PARD3: variants seen among roughly 807,000 people sequenced by gnomAD.
The protein encoded by PARD3 is par-3 family cell polarity regulator.
PARD3 carries 75 observed loss-of-function variants against 155.4 expected under a neutral mutation model. The observed-to-expected ratio is 0.48, with a 90% CI of 0.40 to 0.58. The LOEUF (loss-of-function observed/expected upper bound fraction) is 0.58, where lower values mean the gene tolerates loss of function less well. Ranked by LOEUF, PARD3 falls within the 20% of genes least tolerant of loss-of-function variation. The pLI, the probability that PARD3 is intolerant of heterozygous loss-of-function variation, is 0.00. For missense variants in PARD3, 1,642 were observed against 1,721.7 expected, an observed-to-expected ratio of 0.95 and a Z score of 0.82; for synonymous variants, 576 against 610.5, an observed-to-expected ratio of 0.94 and a Z score of 0.83.
chr10:34,755,053 G>A (rs910643647), intron 1 of PARD3, among the ~76,000 whole-genome samples: 1 of 152,202 alleles, frequency 6.6e-6, no homozygotes, highest in African/African-American at 2.4e-5. Flanking sequence ...GGCAGAGTGA[G>A]CCAAAAATCG....
intron 2 of PARD3, among the ~76,000 whole-genome samples, chr10:34,650,972 T>C (rs1461023114): frequency 6.2e-5 from 8 of 128,764 alleles, no homozygotes; most frequent in East Asian, 4.8e-4. Context: ...GATTGTGCCA[T>C]TGCACTCCAG....
intron 4 of PARD3, among the ~76,000 whole-genome samples, chr10:34,454,936 T>C (rs1297072091): frequency 1.3e-5 from 2 of 152,130 alleles, no homozygotes; most frequent in African/African-American, 4.8e-5. Flanking sequence ...ACCTTAGCCC[T>C]CCCCAAGCTT....
In PARD3 at chr10:34,603,395, A is replaced by C. The variant is rs1483233371; in HGVS notation, c.223-86236T>G. On this transcript the variant is annotated intron_variant, in intron 2 of 24. Transcript: ENST00000374788. ...CCCCAGGGGTTAATGTTCTTTGCCC[A>C]ATGACATTATTAACTTGCCTAAATT... is the stretch of plus-strand genomic sequence containing the variant. 2.0e-5 allele frequency among the ~76,000 whole-genome samples: 3 copies of C among 152,216 alleles called. No individual in the cohort carries two copies. The East Asian group carries it at 5.8e-4, about 29-fold the overall frequency.
At chr10:34,713,530 CG>C (rs1427224830) in intron 1 of PARD3, among the ~76,000 whole-genome samples, 1 of 152,016 alleles carries the variant, frequency 6.6e-6, no homozygotes, top group African/African-American at 2.4e-5. Flanking sequence ...GAGGCCAAGG[CG>C]GGAGGGTTGC....
rs534423691 is a variant in PARD3, at chr10:34,785,658, G to T, written c.120+29218C>A. On this transcript the variant is annotated intron_variant, in intron 1 of 24. Transcript: ENST00000374788. The stretch of plus-strand genomic sequence containing the variant: ...AGGCTGAGGTGGGAGGATTGCCTGA[G>T]CCCAGGATTTCAAAGCTGCAGTGAG... 2.6e-5 allele frequency among the ~76,000 whole-genome samples: 4 copies of T among 152,144 alleles called. No individual in the cohort carries two copies. In the East Asian group the frequency reaches 7.7e-4, roughly 29 times the overall value.
intron 4 of PARD3, among the ~76,000 whole-genome samples, chr10:34,451,371 A>T (rs1488583305): frequency 3.9e-5 from 6 of 152,172 alleles, no homozygotes; most frequent in African/African-American, 1.2e-4. Context: ...AAGTTAGAAG[A>T]AGTACTGGCA....
chr10:34,681,902 T>C (rs2093849967), intron 2 of PARD3, among the ~76,000 whole-genome samples: 1 of 148,524 alleles, frequency 6.7e-6, no homozygotes, highest in African/African-American at 2.5e-5. Flanking sequence ...ATTATAGGCA[T>C]GAGCTACCAG....
chr10:34,337,475 G>C (rs373699922), intron 16 of PARD3, 49 bp from the exon 17 acceptor site: 4 of 1,319,992 alleles, frequency 3.0e-6, no homozygotes, highest in Non-Finnish European at 3.0e-6. Flanking sequence ...AAAATAGCAC[G>C]CATCCATTTT....
At chr10:34,263,989 A>C (rs1385747750) in intron 22 of PARD3, among the ~76,000 whole-genome samples, 1 of 152,226 alleles carries the variant, frequency 6.6e-6, no homozygotes, top group African/African-American at 2.4e-5. Context: ...TCTTGATCAA[A>C]AGACAATGAT....
In PARD3 at chr10:34,567,921, C is replaced by T. The variant is rs77832565; in HGVS notation, c.223-50762G>A. Among the ~76,000 whole-genome samples, 1,168 of 152,286 alleles carry T rather than the reference C, an allele frequency of 7.7e-3. 16 individuals carry two copies. The highest frequency in any genetic ancestry group is 0.027 in the African/African-American group (1,126 of 41,552). Reference sequence around the variant, plus strand: ...GCTAGCAAGCATGATTAGTTCACTACGAGGAACGTGTCCTTGTATCCTATA... The same window carrying T: ...GCTAGCAAGCATGATTAGTTCACTATGAGGAACGTGTCCTTGTATCCTATA... On this transcript the variant is annotated intron_variant, in intron 2 of 24. Transcript: ENST00000374788.
At chr10:34,225,271 C>G (rs1295114658) in intron 22 of PARD3, among the ~76,000 whole-genome samples, 1 of 151,890 alleles carries the variant, frequency 6.6e-6, no homozygotes, top group African/African-American at 2.4e-5. Flanking sequence ...GAAAGTACCA[C>G]AGAGAGCTTA....
chr10:34,211,486 A>G (rs940797360), intron 22 of PARD3, among the ~76,000 whole-genome samples: 16 of 152,224 alleles, frequency 1.1e-4, no homozygotes, highest in Admixed American at 2.0e-4. Flanking sequence ...GCAAAGTTCT[A>G]GTTAGAAAAT....
At chr10:34,707,303 G>T (rs2133592950) in intron 1 of PARD3, among the ~76,000 whole-genome samples, 1 of 151,640 alleles carries the variant, frequency 6.6e-6, no homozygotes, top group Admixed American at 6.6e-5. Context: ...AGTCTGAAAA[G>T]CCACACCATG....
chr10:34,727,686 A>G (rs1390689976), intron 1 of PARD3, among the ~76,000 whole-genome samples: 1 of 151,974 alleles, frequency 6.6e-6, no homozygotes, highest in Non-Finnish European at 1.5e-5. Flanking sequence ...TCATCTCTCC[A>G]TTCCCAATCA....
chr10:34,424,252 TAAAG>T (rs947348610), intron 5 of PARD3, among the ~76,000 whole-genome samples: 2 of 152,072 alleles, frequency 1.3e-5, no homozygotes, highest in African/African-American at 2.4e-5. Context: ...CAAACAAACA[TAAAG>T]AGTTTCTTAG....
intron 23 of PARD3, among the ~76,000 whole-genome samples, chr10:34,125,384 C>A (rs894078950): frequency 6.6e-6 from 1 of 152,130 alleles, no homozygotes; most frequent in Non-Finnish European, 1.5e-5. Context: ...TATTTCTATG[C>A]GAGGTGATTT....
intron 22 of PARD3, among the ~76,000 whole-genome samples, chr10:34,254,636 C>T (rs1201370272): frequency 6.6e-6 from 1 of 151,684 alleles, no homozygotes; most frequent in Non-Finnish European, 1.5e-5. Context: ...AGCACATCAC[C>T]CCTTAGAAGC....
chr10:34,439,011 G>C (rs969776303), intron 5 of PARD3, among the ~76,000 whole-genome samples: 1 of 152,020 alleles, frequency 6.6e-6, no homozygotes, highest in African/African-American at 2.4e-5. Flanking sequence ...AAGAGAGAGA[G>C]AAAAACAAGA....
At chr10:34,238,934 C>T (rs2133633006) in intron 22 of PARD3, among the ~76,000 whole-genome samples, 1 of 152,276 alleles carries the variant, frequency 6.6e-6, no homozygotes, top group East Asian at 1.9e-4. Context: ...AGAAATTTAA[C>T]ACTGACATAT....
Sources: gnomAD v4.1 joint callset for allele counts (sites outside exome capture counted in the v4.1 genomes callset) on GRCh38, gnomAD v4.1.1 for gene constraint, MANE v1.5 for transcripts, NCBI Gene and HGNC (gene_info 2026-07-23, HGNC 2026-07-21) for gene names.